Variants in SLCO1A2 observed in about 807,000 individuals in gnomAD.
The protein encoded by SLCO1A2 is OATP-1.
In SLCO1A2, 67 loss-of-function variants were observed where a neutral mutation model predicts 69.0. The observed-to-expected ratio is 0.97, with a 90% CI of 0.80 to 1.19. SLCO1A2 has a LOEUF of 1.19. Among genes scored for constraint, SLCO1A2 ranks in the 50% most tolerant of loss-of-function variants. The pLI, the probability that SLCO1A2 is intolerant of heterozygous loss-of-function variation, is 0.00. For synonymous variants in SLCO1A2, 260 were observed against 265.9 expected (o/e 0.98, Z 0.22); for missense variants, 787 against 793.7 (o/e 0.99, Z 0.10).
At chr12:21,314,726 G>A in intron 3 of SLCO1A2, 45 bp from the exon 4 acceptor site, 5 of 1,433,420 alleles carry the variant, frequency 3.5e-6, no homozygotes, top group Non-Finnish European at 3.9e-6. Flanking sequence ...TATGAACAAA[G>A]TCTTAATTAA....
Position 21,319,468 on chromosome 12 carries a change from G to A in SLCO1A2, c.61-545C>T, listed in dbSNP as rs767309299. On this transcript the variant is annotated intron_variant, in intron 2 of 14. Coordinates refer to ENST00000683939, the MANE Select transcript of SLCO1A2 (RefSeq NM_001386879.1). ...GAGGGAAATATCCAGAACAATCTGA[G>A]TTATGTCCTCATTCTTCCCATAGTA... The A allele has an allele frequency of 2.2e-6, 3 of 1,366,720 alleles. No individual in the cohort carries two copies. The East Asian group carries it at 1.4e-4, about 62-fold the overall frequency. 84.7% of individuals were successfully genotyped at this position (1,366,720 alleles called of 1,614,324 possible).
rs535546368 is a variant in SLCO1A2 at position 21,283,596 on chromosome 12, T to C, written c.1611-8172A>G. 5.3e-5 allele frequency among the ~76,000 whole-genome samples: 8 copies of C among 151,996 alleles called. No homozygotes were observed. The South Asian group carries it at 1.2e-3, about 24-fold the overall frequency. On this transcript the variant is annotated intron_variant, in intron 12 of 14. Transcript: ENST00000683939. ...TGGGATCACATCAAGTTAAGAAGCTTCTGCACAGCAAAGGAAACAACAAGA... is the reference window on the plus strand; with the variant it reads ...TGGGATCACATCAAGTTAAGAAGCTCCTGCACAGCAAAGGAAACAACAAGA...
chr12:21,300,340 A>T lies in SLCO1A2; in HGVS notation c.910+8T>A. ...CAATTTCATAGTATTTAGAATATGTATATTTGCCTTTAGTGATTCCATATT... is the reference window on the plus strand; with the variant it reads ...CAATTTCATAGTATTTAGAATATGTTTATTTGCCTTTAGTGATTCCATATT... On this transcript the variant is annotated splice_region_variant and intron_variant, in intron 8 of 14. Coordinates refer to ENST00000683939, the MANE Select transcript of SLCO1A2 (RefSeq NM_001386879.1). 6.4e-7 allele frequency: 1 copy of T among 1,570,102 alleles called. No individual in the cohort carries two copies. The highest frequency in any genetic ancestry group is 1.4e-5 in the African/African-American group (1 of 74,000).
intron 12 of SLCO1A2, among the ~76,000 whole-genome samples, chr12:21,276,567 T>C (rs1258520647): frequency 6.9e-6 from 1 of 145,108 alleles, no homozygotes; most frequent in African/African-American, 2.7e-5. Context: ...AAAAAAAACC[T>C]TTGTAAGAAT....
At chr12:21,359,348 T>C (rs1938628397) in intron 2 of SLCO1A2, among the ~76,000 whole-genome samples, 1 of 151,946 alleles carries the variant, frequency 6.6e-6, no homozygotes, top group African/African-American at 2.4e-5. Flanking sequence ...ATCAACTAAA[T>C]TATAAACCCT....
chr12:21,365,244 A>G (rs1233339415), intron 2 of SLCO1A2, among the ~76,000 whole-genome samples: 1 of 152,188 alleles, frequency 6.6e-6, no homozygotes, highest in Non-Finnish European at 1.5e-5. Context: ...ATAATACCAC[A>G]CATCTACAAC....
chr12:21,375,730 A>C (rs1348482387), intron 1 of SLCO1A2, among the ~76,000 whole-genome samples: 1 of 152,068 alleles, frequency 6.6e-6, no homozygotes, highest in East Asian at 1.9e-4. Flanking sequence ...CATTTTGAAA[A>C]CTCTGGAGAG....
intron 12 of SLCO1A2, among the ~76,000 whole-genome samples, chr12:21,288,920 T>C (rs1436141322): frequency 6.6e-6 from 1 of 151,770 alleles, no homozygotes; most frequent in African/African-American, 2.4e-5. Flanking sequence ...AATTATAATC[T>C]AGATATAAAA....
intron 4 of SLCO1A2, among the ~76,000 whole-genome samples, chr12:21,311,190 CTCTT>C (rs921421632): frequency 3.3e-5 from 5 of 152,128 alleles, no homozygotes; most frequent in African/African-American, 1.2e-4. Flanking sequence ...AATTCTAGTT[CTCTT>C]TCTCTTTCCA....
At chr12:21,340,595 G>A (rs4762818) in intron 2 of SLCO1A2, among the ~76,000 whole-genome samples, 22,340 of 151,926 alleles carry the variant, frequency 0.15, 2,026 homozygotes, top group African/African-American at 0.25. Context: ...TAACACTGAC[G>A]TAATCCAGTG....
intron 8 of SLCO1A2, among the ~76,000 whole-genome samples, chr12:21,298,455 T>A (rs1948089086): frequency 6.6e-6 from 1 of 152,170 alleles, no homozygotes; most frequent in South Asian, 2.1e-4. Context: ...ATGTTCTCTG[T>A]CTTGACTTTC....
At chr12:21,381,850 G>T (rs1163622262) in intron 1 of SLCO1A2, among the ~76,000 whole-genome samples, 1 of 152,160 alleles carries the variant, frequency 6.6e-6, no homozygotes, top group Non-Finnish European at 1.5e-5. Flanking sequence ...TAAATGTGGG[G>T]AAAAAGAAAT....
intron 2 of SLCO1A2, among the ~76,000 whole-genome samples, chr12:21,360,872 T>C (rs1591879901): frequency 6.6e-6 from 1 of 151,916 alleles, no homozygotes; most frequent in Non-Finnish European, 1.5e-5. Flanking sequence ...CTTGAGAAGG[T>C]AAACAAAGCA....
intron 2 of SLCO1A2, among the ~76,000 whole-genome samples, chr12:21,349,530 G>A (rs183279208): frequency 7.2e-5 from 11 of 152,168 alleles, no homozygotes; most frequent in Middle Eastern, 6.8e-3. Context: ...TTGCTCTCTT[G>A]TACTCAATTC....
rs913256905 is a variant in SLCO1A2 at position 21,266,531 on chromosome 12, T to TAATA, written c.*3013_*3016dup. 6.6e-6 allele frequency: 1 copy of TAATA among 152,098 alleles called. No homozygotes were observed. Among genetic ancestry groups the TAATA allele is most frequent in the African/African-American group, 2.4e-5 (1 of 41,440 alleles). 9.4% of individuals were successfully genotyped at this position (152,098 alleles called of 1,614,324 possible). ...ATGTAGATAAATAATATTTATTTCA[T>TAATA]AATAATAAATGATTCTGATGGCACT... On this transcript the variant is annotated 3_prime_UTR_variant, in exon 15 of 15. Coordinates refer to ENST00000683939, the MANE Select transcript of SLCO1A2 (RefSeq NM_001386879.1).
chr12:21,299,754 CCATA>C (rs1444543354), intron 8 of SLCO1A2, among the ~76,000 whole-genome samples: 16 of 129,936 alleles, frequency 1.2e-4, no homozygotes, highest in Admixed American at 4.5e-4. Flanking sequence ...GCAAATGGGA[CCATA>C]TATATACGTG....
Position 21,367,216 on chromosome 12 carries a change from G to A in SLCO1A2, c.-63+7183C>T, listed in dbSNP as rs368561703. 7.2e-4 allele frequency among the ~76,000 whole-genome samples: 109 copies of A among 152,210 alleles called. 2 individuals are homozygous for A. In the South Asian group the frequency reaches 0.022, roughly 31 times the overall value. ...TTATAATTCTGAATAAAAATAATGT[G>A]TTTAGAACTATGCTCAGAAACAAAA... On this transcript the variant is annotated intron_variant, in intron 2 of 15. Coordinates refer to the SLCO1A2 transcript ENST00000307378.
intron 12 of SLCO1A2, among the ~76,000 whole-genome samples, chr12:21,288,128 T>C (rs117989185): frequency 0.096 from 14,574 of 151,880 alleles, 935 homozygotes; most frequent in Non-Finnish European, 0.15. Flanking sequence ...TTGCATGTCC[T>C]CACTTACTTG....
intron 6 of SLCO1A2, among the ~76,000 whole-genome samples, chr12:21,303,615 A>G (rs781476582): frequency 3.3e-5 from 5 of 152,216 alleles, no homozygotes; most frequent in Non-Finnish European, 7.4e-5. Flanking sequence ...TATTGATAGA[A>G]TAACAAAAAA....
Sources: allele counts gnomAD v4.1 joint callset (sites outside exome capture counted in the v4.1 genomes callset), GRCh38; gene constraint gnomAD v4.1.1; transcripts MANE v1.5; gene names NCBI Gene and HGNC (gene_info 2026-07-23, HGNC 2026-07-21).